The following TMEM39B variants were observed in gnomAD, a reference collection of about 807,000 sequenced individuals.
TMEM39B encodes the protein transmembrane protein 39B.
TMEM39B carries 23 observed loss-of-function variants against 52.2 expected under a neutral mutation model. The ratio of observed to expected loss-of-function variants is 0.44; its 90% CI spans 0.32 to 0.62. TMEM39B has a LOEUF of 0.62. TMEM39B is among the 20% of genes least tolerant of loss of function. TMEM39B has a pLI of 0.06. For synonymous variants in TMEM39B, 285 were observed against 264.0 expected, an observed-to-expected ratio of 1.08 and a Z score of -0.77; for missense variants, 547 against 642.0, an observed-to-expected ratio of 0.85 and a Z score of 1.60.
At chr1:32,078,356 G>A (rs1242849139) in intron 5 of TMEM39B, among the ~76,000 whole-genome samples, 1 of 151,954 alleles carries the variant, frequency 6.6e-6, no homozygotes, top group Non-Finnish European at 1.5e-5. Flanking sequence ...GGTGAGGCAC[G>A]CCTATAGTCC....
intron 3 of TMEM39B, chr1:32,076,439 G>A (rs942756915): frequency 1.7e-5 from 7 of 423,162 alleles, no homozygotes; most frequent in Middle Eastern, 7.6e-4. Flanking sequence ...TCCAGTAGTG[G>A]AGATGAACCA....
At chr1:32,101,282 AAG>A (rs1317456410) in intron 8 of TMEM39B, among the ~76,000 whole-genome samples, 1 of 152,118 alleles carries the variant, frequency 6.6e-6, no homozygotes, top group Non-Finnish European at 1.5e-5. Context: ...GAAATCAGCT[AAG>A]AGAGTTTAAC....
chr1:32,101,540 G>A (rs551776501), intron 8 of TMEM39B, among the ~76,000 whole-genome samples: 24 of 151,694 alleles, frequency 1.6e-4, no homozygotes, highest in East Asian at 7.8e-4. Context: ...GCTCACCCCC[G>A]CTGTAACTCC....
intron 5 of TMEM39B, among the ~76,000 whole-genome samples, chr1:32,086,768 A>C (rs1192049675): frequency 6.8e-6 from 1 of 147,078 alleles, no homozygotes; most frequent in Non-Finnish European, 1.5e-5. Flanking sequence ...CCCTGTCTCA[A>C]AAAAAAAAAA....
chr1:32,087,489 G>A (rs1455902030), intron 5 of TMEM39B: 2 of 150,410 alleles, frequency 1.3e-5, no homozygotes, highest in African/African-American at 4.9e-5. Context: ...CAGGCGTGGT[G>A]GTGCATGCTT....
At chr1:32,083,375 G>A (rs1442846461) in intron 5 of TMEM39B, among the ~76,000 whole-genome samples, 26 of 144,044 alleles carry the variant, frequency 1.8e-4, no homozygotes, top group Non-Finnish European at 2.9e-4. Context: ...GAGCTACCAC[G>A]CCTGGCCGGC....
chr1:32,080,847 A>G (rs1033688280), intron 5 of TMEM39B, among the ~76,000 whole-genome samples: 4 of 151,962 alleles, frequency 2.6e-5, no homozygotes, highest in African/African-American at 9.7e-5. Context: ...AAAAAATTAA[A>G]TCCAATAGTG....
chr1:32,079,224 G>A (rs1373213138), intron 5 of TMEM39B, among the ~76,000 whole-genome samples: 6 of 141,040 alleles, frequency 4.3e-5, no homozygotes, highest in Admixed American at 1.5e-4. Flanking sequence ...TCGCTCTGTC[G>A]CCCAGGCTGG....
Position 32,076,733 on chromosome 1 carries a change from C to T in TMEM39B, c.352-30C>T, listed in dbSNP as rs967813809. 14 of 1,609,074 alleles carry T rather than the reference C, an allele frequency of 8.7e-6. No individual in the cohort carries two copies. The African/African-American group carries it at 1.5e-4, about 17-fold the overall frequency. On this transcript the variant is annotated intron_variant, in intron 3 of 8. Transcript: ENST00000336294. Reference sequence around the variant, plus strand: ...AGCCTGCATATGGGCAAGGGGCCCACATGACCCCCAGGCCTCTGCCCCCTG... The same window carrying T: ...AGCCTGCATATGGGCAAGGGGCCCATATGACCCCCAGGCCTCTGCCCCCTG...
intron 5 of TMEM39B, among the ~76,000 whole-genome samples, chr1:32,084,184 G>A (rs1479768605): frequency 6.6e-6 from 1 of 151,844 alleles, no homozygotes; most frequent in African/African-American, 2.4e-5. Flanking sequence ...AAAGAATGAT[G>A]AGCCTTCATC....
intron 5 of TMEM39B, among the ~76,000 whole-genome samples, chr1:32,090,888 C>T (rs1160886768): frequency 6.6e-6 from 1 of 152,150 alleles, no homozygotes; most frequent in African/African-American, 2.4e-5. Flanking sequence ...GATCCGCCCA[C>T]CTCAGCCTCC....
intron 8 of TMEM39B, among the ~76,000 whole-genome samples, chr1:32,102,028 A>T (rs1170303315): frequency 1.3e-5 from 2 of 152,146 alleles, no homozygotes; most frequent in Non-Finnish European, 2.9e-5. Context: ...AATACCCAGG[A>T]GATGACATTA....
rs1425358429 is a variant in TMEM39B at position 32,097,330 on chromosome 1, CTTCT to C, written c.1115+2362_1115+2365del. Among the ~76,000 whole-genome samples, 14 of 149,824 alleles carry C rather than the reference CTTCT, an allele frequency of 9.3e-5. No homozygotes were observed. The South Asian group carries it at 2.8e-3, about 29-fold the overall frequency. On this transcript the variant is annotated intron_variant, in intron 7 of 8. Coordinates refer to ENST00000336294, the MANE Select transcript of TMEM39B (RefSeq NM_018056.4). ...ATATAAATGAAATCGTGTCCAACTT[CTTCT>C]TTTTTTTTTTTTTTGCTACAGAGTG...
At chr1:32,074,809 T>A in intron 1 of TMEM39B, 142 bp from the exon 2 acceptor site, 1 of 1,054,226 alleles carries the variant, frequency 9.5e-7, no homozygotes, top group South Asian at 1.8e-5. Flanking sequence ...AAGCTGAAGA[T>A]GTAAGAAGGG....
intron 5 of TMEM39B, among the ~76,000 whole-genome samples, chr1:32,089,472 G>A (rs1640514407): frequency 6.6e-6 from 1 of 151,696 alleles, no homozygotes; most frequent in Non-Finnish European, 1.5e-5. Context: ...GACCCTAAAG[G>A]TTGTGCTCTT....
intron 1 of TMEM39B, chr1:32,073,637 T>C (rs931052865): frequency 3.0e-6 from 3 of 985,324 alleles, no homozygotes; most frequent in Non-Finnish European, 3.6e-6. Context: ...GGACTAAGGG[T>C]GTTTGTGTGG....
chr1:32,093,457 G>C (rs1640688064), intron 6 of TMEM39B, among the ~76,000 whole-genome samples: 1 of 131,760 alleles, frequency 7.6e-6, no homozygotes, highest in Non-Finnish European at 1.6e-5. Flanking sequence ...TATGGCCCAG[G>C]CTGGAGTGCA....
chr1:32,098,681 C>T (rs977563429), intron 7 of TMEM39B, among the ~76,000 whole-genome samples: 2 of 151,984 alleles, frequency 1.3e-5, no homozygotes, highest in East Asian at 1.9e-4. Context: ...TGCAGTGAGC[C>T]GAGATAGAGA....
At chr1:32,084,997 A>G (rs1640281130) in intron 5 of TMEM39B, among the ~76,000 whole-genome samples, 1 of 152,148 alleles carries the variant, frequency 6.6e-6, no homozygotes, top group Non-Finnish European at 1.5e-5. Context: ...TCTTTTATAG[A>G]TGACTTGTAT....
Sources: gnomAD v4.1 joint callset for allele counts (sites outside exome capture counted in the v4.1 genomes callset) on GRCh38, gnomAD v4.1.1 for gene constraint, MANE v1.5 for transcripts, NCBI Gene and HGNC (gene_info 2026-07-23, HGNC 2026-07-21) for gene names.